The following CALN1 variants were observed in gnomAD, a reference collection of about 807,000 sequenced individuals.
CALN1 encodes the protein calcium-binding protein 8.
CALN1 carries 17 observed loss-of-function variants against 30.6 expected under a neutral mutation model. The ratio of observed to expected loss-of-function variants is 0.56; its 90% CI spans 0.38 to 0.83. The LOEUF (loss-of-function observed/expected upper bound fraction) is 0.83, where lower values mean the gene tolerates loss of function less well. Among genes scored for constraint, CALN1 ranks in the 40% least tolerant of loss-of-function variants. The pLI is 0.00. For synonymous variants in CALN1, 156 were observed against 131.4 expected, an observed-to-expected ratio of 1.19 and a Z score of -1.28; for missense variants, 291 against 354.9, an observed-to-expected ratio of 0.82 and a Z score of 1.45.
intron 2 of CALN1, chr7:72,336,952 T>C (rs1306057835): frequency 1.0e-6 from 1 of 984,934 alleles, no homozygotes; most frequent in African/African-American, 1.7e-5. Flanking sequence ...AGCCCCCTCG[T>C]CGACTCGGAG....
intron 5 of CALN1, among the ~76,000 whole-genome samples, chr7:71,976,964 C>T (rs1377189946): frequency 1.3e-5 from 2 of 152,188 alleles, no homozygotes; most frequent in Non-Finnish European, 2.9e-5. Flanking sequence ...TTTCTTTCCA[C>T]CAATCACCTA....
At chr7:72,250,829 G>T (rs1795503894) in intron 3 of CALN1, among the ~76,000 whole-genome samples, 1 of 152,122 alleles carries the variant, frequency 6.6e-6, no homozygotes, top group African/African-American at 2.4e-5. Flanking sequence ...CGTATAGCCT[G>T]CAGAACCATG....
Position 72,412,284 on chromosome 7 carries a change from A to T in CALN1, c.-300T>A, listed in dbSNP as rs1391372007. On this transcript the variant is annotated 5_prime_UTR_variant, in exon 1 of 7. Coordinates refer to ENST00000395275, the MANE Select transcript of CALN1 (RefSeq NM_031468.4). ...CCAGAGTAAGCAGTAAGCTTTATTAAGAAGCAGGAAAGAAAAAAACACAAA... is the reference window on the plus strand; with the variant it reads ...CCAGAGTAAGCAGTAAGCTTTATTATGAAGCAGGAAAGAAAAAAACACAAA... 6.6e-6 allele frequency: 1 copy of T among 152,132 alleles called. No individual in the cohort carries two copies. Among genetic ancestry groups the T allele is most frequent in the Non-Finnish European group, 1.5e-5 (1 of 68,044 alleles). 9.4% of individuals were successfully genotyped at this position (152,132 alleles called of 1,614,324 possible).
At chr7:72,165,262 G>A (rs180694287) in intron 3 of CALN1, among the ~76,000 whole-genome samples, 317 of 152,274 alleles carry the variant, frequency 2.1e-3, no homozygotes, top group Non-Finnish European at 5.1e-4. Flanking sequence ...AAGGATGGTA[G>A]AAACTAGAAG....
the CALN1 span, among the ~76,000 whole-genome samples, chr7:72,484,697 A>G: frequency 6.6e-6 from 1 of 152,098 alleles, no homozygotes; most frequent in South Asian, 2.1e-4. Flanking sequence ...AATGTCAGCT[A>G]TCTCTTCTCA....
chr7:72,287,499 T>A (rs372828263), intron 2 of CALN1, among the ~76,000 whole-genome samples: 1 of 133,982 alleles, frequency 7.5e-6, no homozygotes, highest in Non-Finnish European at 1.5e-5. Context: ...CAGGCTGGAG[T>A]GCAGTGGCGC....
intron 2 of CALN1, among the ~76,000 whole-genome samples, chr7:72,348,542 C>G (rs921935501): frequency 6.6e-6 from 1 of 152,224 alleles, no homozygotes; most frequent in Non-Finnish European, 1.5e-5. Flanking sequence ...CATAAAGAGA[C>G]AAATCCCATG....
At position 71,936,455 on chromosome 7, in the gene CALN1, C is replaced by T. The variant is rs114510835; in HGVS notation, c.501+87202G>A. On this transcript the variant is annotated intron_variant, in intron 5 of 6. Transcript: ENST00000395275. ...AGAGCCTTGCTTCACTCCTCTGGCA[C>T]TGTACACCAAGCTGGAAGGGCCACT... Among the ~76,000 whole-genome samples, 1,466 of 151,068 alleles carry T rather than the reference C, an allele frequency of 9.7e-3. 28 individuals carry two copies. The highest frequency in any genetic ancestry group is 0.034 in the African/African-American group (1,381 of 41,164).
At chr7:72,208,654 A>G (rs1792072664) in intron 3 of CALN1, among the ~76,000 whole-genome samples, 1 of 152,188 alleles carries the variant, frequency 6.6e-6, no homozygotes, top group African/African-American at 2.4e-5. Context: ...CGTATTTTCC[A>G]GGGACTTTTT....
intron 3 of CALN1, among the ~76,000 whole-genome samples, chr7:72,164,817 C>T (rs1252226529): frequency 7.2e-5 from 11 of 152,148 alleles, no homozygotes; most frequent in Non-Finnish European, 1.2e-4. Flanking sequence ...GTGCGTACCA[C>T]CATGCCTGGC....
At chr7:71,871,534 G>T (rs1791927403) in intron 5 of CALN1, among the ~76,000 whole-genome samples, 1 of 152,084 alleles carries the variant, frequency 6.6e-6, no homozygotes, top group Non-Finnish European at 1.5e-5. Flanking sequence ...ATCACTCGAG[G>T]CCAGGAAAGT....
chr7:72,099,026 T>C (rs1279663041), intron 4 of CALN1, among the ~76,000 whole-genome samples: 1 of 152,100 alleles, frequency 6.6e-6, no homozygotes, highest in Non-Finnish European at 1.5e-5. Flanking sequence ...TCAACTTGAG[T>C]TGCACAGACA....
chr7:72,233,201 A>G (rs1378088285), intron 3 of CALN1, among the ~76,000 whole-genome samples: 1 of 151,946 alleles, frequency 6.6e-6, no homozygotes. Context: ...AGGAAAAAAA[A>G]AAAAAAAGAA....
At chr7:72,356,287 T>A (rs1285112851) in intron 2 of CALN1, among the ~76,000 whole-genome samples, 1 of 150,226 alleles carries the variant, frequency 6.7e-6, no homozygotes, top group African/African-American at 2.5e-5. Flanking sequence ...TAAATCTGAA[T>A]AACTATTGTA....
At chr7:72,295,412 A>G (rs1798784360) in intron 2 of CALN1, among the ~76,000 whole-genome samples, 1 of 152,160 alleles carries the variant, frequency 6.6e-6, no homozygotes, top group Non-Finnish European at 1.5e-5. Context: ...AGGCATTGGT[A>G]GCTTGATGGG....
chr7:71,816,255 T>C (rs540022031), intron 5 of CALN1, among the ~76,000 whole-genome samples: 1 of 152,260 alleles, frequency 6.6e-6, no homozygotes, highest in Admixed American at 6.5e-5. Flanking sequence ...TCAGAGCAAC[T>C]GAAGGGGAGG....
chr7:71,939,104 G>T (rs938290282), intron 5 of CALN1, among the ~76,000 whole-genome samples: 1 of 152,104 alleles, frequency 6.6e-6, no homozygotes, highest in Non-Finnish European at 1.5e-5. Flanking sequence ...ACTAAAGACA[G>T]CATGCATTTT....
At chr7:72,309,475 A>T (rs1001147633) in intron 2 of CALN1, among the ~76,000 whole-genome samples, 1 of 152,068 alleles carries the variant, frequency 6.6e-6, no homozygotes, top group Admixed American at 6.5e-5. Context: ...CAGCCCTGGC[A>T]GGTGTCAAAG....
intron 1 of CALN1, among the ~76,000 whole-genome samples, chr7:72,409,019 A>G (rs918445225): frequency 6.6e-6 from 1 of 151,782 alleles, no homozygotes; most frequent in Admixed American, 6.6e-5. Context: ...GCGGTGGAAC[A>G]GAGTCTTGCT....
Sources: allele counts gnomAD v4.1 joint callset (sites outside exome capture counted in the v4.1 genomes callset), GRCh38; gene constraint gnomAD v4.1.1; transcripts MANE v1.5; gene names NCBI Gene and HGNC (gene_info 2026-07-23, HGNC 2026-07-21).